ZNF705G: variants seen among roughly 807,000 people sequenced by gnomAD.
ZNF705G encodes the protein zinc finger protein 705G.
In ZNF705G, 23 loss-of-function variants were observed where a neutral mutation model predicts 19.6. The observed-to-expected ratio is 1.17, with a 90% CI of 0.84 to 1.66. The LOEUF is 1.66. ZNF705G is among the 40% of genes most tolerant of loss of function. The pLI is 0.00. For missense variants in ZNF705G, 457 were observed against 354.4 expected (o/e 1.29, Z -2.32); for synonymous variants, 146 against 117.7 (o/e 1.24, Z -1.56).
At chr8:7,382,360 A>G (rs1807536650) in intron 1 of ZNF705G, among the ~76,000 whole-genome samples, 1 of 146,790 alleles carries the variant, frequency 6.8e-6, no homozygotes, top group African/African-American at 2.7e-5. Context: ...ATAATTTTGC[A>G]TTTTCTGGTG....
intron 2 of ZNF705G, among the ~76,000 whole-genome samples, chr8:7,370,256 C>A (rs1243858223): frequency 7.3e-6 from 1 of 136,632 alleles, no homozygotes; most frequent in African/African-American, 3.2e-5. Flanking sequence ...GTGTGACACA[C>A]CGAGACTCCA....
At chr8:7,364,531 A>C (rs1047453882) in intron 2 of ZNF705G, among the ~76,000 whole-genome samples, 12 of 149,592 alleles carry the variant, frequency 8.0e-5, no homozygotes, top group African/African-American at 2.8e-4. Flanking sequence ...AAATTAGAAA[A>C]TGACCCAGCA....
chr8:7,384,344 C>T lies in ZNF705G; in HGVS notation c.-222+1154G>A, dbSNP rs376214190. On this transcript the variant is annotated intron_variant, in intron 1 of 6. Coordinates refer to ENST00000400156, the MANE Select transcript of ZNF705G (RefSeq NM_001164457.3). ...TCAATTGCTACCCAATACCTATCCA[C>T]ACAGAGTTGTGTTTTAACTAGGATC... Among the ~76,000 whole-genome samples, 22 of 145,732 alleles carry T rather than the reference C, an allele frequency of 1.5e-4. No homozygotes were observed. The East Asian group carries it at 2.3e-3, about 15-fold the overall frequency.
Position 7,356,435 on chromosome 8 carries a change from C to T in ZNF705G, c.*1541G>A, listed in dbSNP as rs193100187. On this transcript the variant is annotated 3_prime_UTR_variant, in exon 7 of 7. Coordinates refer to ENST00000400156, the MANE Select transcript of ZNF705G (RefSeq NM_001164457.3). ...GATAGAAGAGAAGAGCTGCCTTATT[C>T]TCTGATCCCAGTTAACTGCCTAGAG... 1 of 149,864 alleles carries T rather than the reference C, an allele frequency of 6.7e-6. No homozygotes were observed. The highest frequency in any genetic ancestry group is 1.9e-4 in the East Asian group (1 of 5,182). The allele number at this position is 149,864 out of a possible 1,614,324, so 9.3% of individuals were successfully genotyped here. A position where few individuals can be genotyped will look rare whatever the true frequency, so the allele number is the denominator to read the frequency against.
chr8:7,369,693 T>C (rs923940765), intron 2 of ZNF705G, among the ~76,000 whole-genome samples: 1 of 149,736 alleles, frequency 6.7e-6, no homozygotes, highest in Non-Finnish European at 1.5e-5. Context: ...ACAGTATATG[T>C]ACACCATGGA....
At chr8:7,379,657 G>A (rs1279003875) in intron 2 of ZNF705G, among the ~76,000 whole-genome samples, 3 of 147,200 alleles carry the variant, frequency 2.0e-5, no homozygotes, top group Non-Finnish European at 4.4e-5. Context: ...TCTCCAGTGT[G>A]GTGAAAAGGT....
Position 7,368,573 on chromosome 8 carries a change from G to A in ZNF705G, c.-71-5556C>T, listed in dbSNP as rs566863295. On this transcript the variant is annotated intron_variant, in intron 2 of 6. Transcript: ENST00000400156. The stretch of plus-strand genomic sequence containing the variant: ...TCATGTAGTACTTGTAAGACCACTG[G>A]TATTGTCTGAAATTCAAGCAGGCTG... Among the ~76,000 whole-genome samples, 6 of 149,948 alleles carry A rather than the reference G, an allele frequency of 4.0e-5. 1 individual carries two copies. The highest frequency in any genetic ancestry group is 1.5e-4 in the African/African-American group (6 of 39,298).
intron 3 of ZNF705G, among the ~76,000 whole-genome samples, chr8:7,361,825 C>A (rs1265077856): frequency 6.7e-6 from 1 of 149,434 alleles, no homozygotes; most frequent in East Asian, 1.9e-4. Flanking sequence ...AAGTAATGAC[C>A]CAGACTCCAG....
At chr8:7,367,677 C>T (rs1387247139) in intron 2 of ZNF705G, among the ~76,000 whole-genome samples, 3 of 149,648 alleles carry the variant, frequency 2.0e-5, no homozygotes, top group Non-Finnish European at 4.4e-5. Context: ...CAGGCATCTG[C>T]TCGGGTCTCT....
intron 2 of ZNF705G, among the ~76,000 whole-genome samples, chr8:7,364,602 C>G (rs1015848446): frequency 6.7e-6 from 1 of 149,570 alleles, no homozygotes; most frequent in African/African-American, 2.6e-5. Context: ...AAATTACTCC[C>G]CTAACCAACG....
At position 7,359,166 on chromosome 8, in the gene ZNF705G, G is replaced by C. The variant is rs71511222; in HGVS notation, c.318+453C>G. Among the ~76,000 whole-genome samples, 756 of 149,318 alleles carry C rather than the reference G, an allele frequency of 5.1e-3. 84 individuals are homozygous for C. Among genetic ancestry groups the C allele is most frequent in the African/African-American group, 0.018 (710 of 38,824 alleles). On this transcript the variant is annotated intron_variant, in intron 6 of 6. Coordinates refer to ENST00000400156, the MANE Select transcript of ZNF705G (RefSeq NM_001164457.3). ...CCACCCTTTCCCCTTTAAATTTGGAGCCTTCAAAATCATCTTTGGAGAAAG... is the reference window on the plus strand; with the variant it reads ...CCACCCTTTCCCCTTTAAATTTGGACCCTTCAAAATCATCTTTGGAGAAAG...
At position 7,367,373 on chromosome 8, in the gene ZNF705G, C is replaced by A. The variant is rs183645690; in HGVS notation, c.-71-4356G>T. Among the ~76,000 whole-genome samples the A allele has an allele frequency of 7.6e-4, 114 of 149,376 alleles. 7 individuals carry two copies. Among genetic ancestry groups the A allele is most frequent in the African/African-American group, 2.6e-3 (99 of 38,822 alleles). On this transcript the variant is annotated intron_variant, in intron 2 of 6. Coordinates refer to ENST00000400156, the MANE Select transcript of ZNF705G (RefSeq NM_001164457.3). Reference sequence around the variant, plus strand: ...CCTGATGGTCTACACCTGTTAACATCAAAAATGTGAGTTAAATGCAGACCC... The same window carrying A: ...CCTGATGGTCTACACCTGTTAACATAAAAAATGTGAGTTAAATGCAGACCC...
intron 4 of ZNF705G, 56 bp from the exon 5 acceptor site, chr8:7,360,388 T>G: frequency 6.3e-7 from 1 of 1,581,698 alleles, no homozygotes; most frequent in South Asian, 1.1e-5. Flanking sequence ...ATGTGCATTA[T>G]CACCAAGTGT....
intron 4 of ZNF705G, among the ~76,000 whole-genome samples, 173 bp from the exon 5 acceptor site, chr8:7,360,505 A>G (rs1244290149): frequency 6.7e-6 from 1 of 149,360 alleles, no homozygotes; most frequent in East Asian, 1.9e-4. Context: ...ATGAGACTAC[A>G]AAATAAATCC....
rs1472382625 is a variant in ZNF705G, at chr8:7,356,453, G to C, written c.*1523C>G. 1 of 149,778 alleles carries C rather than the reference G, an allele frequency of 6.7e-6. No homozygotes were observed. Among genetic ancestry groups the C allele is most frequent in the Non-Finnish European group, 1.5e-5 (1 of 68,142 alleles). 9.3% of individuals were successfully genotyped at this position (149,778 alleles called of 1,614,324 possible). ...CCTTATTCTCTGATCCCAGTTAACT[G>C]CCTAGAGACAGAGGAAAGGGCTGCG... On this transcript the variant is annotated 3_prime_UTR_variant, in exon 7 of 7. Coordinates refer to ENST00000400156, the MANE Select transcript of ZNF705G (RefSeq NM_001164457.3).
intron 1 of ZNF705G, among the ~76,000 whole-genome samples, chr8:7,382,326 C>T (rs1467479800): frequency 4.1e-5 from 6 of 147,874 alleles, no homozygotes; most frequent in Non-Finnish European, 7.4e-5. Context: ...AAGTCTCCTC[C>T]TATTCAAATA....
At chr8:7,362,860 T>A in intron 3 of ZNF705G, 75 bp downstream of exon 3, 1 of 1,581,606 alleles carries the variant, frequency 6.3e-7, no homozygotes, top group South Asian at 1.1e-5. Flanking sequence ...GAAACACCCA[T>A]GCAAATTGGA....
chr8:7,369,419 G>T (rs1161860153), intron 2 of ZNF705G, among the ~76,000 whole-genome samples: 8 of 149,400 alleles, frequency 5.4e-5, no homozygotes, highest in Non-Finnish European at 1.0e-4. Context: ...CTGCCTAGTG[G>T]AGCTCTGAGA....
Position 7,361,102 on chromosome 8 carries a change from G to T in ZNF705G, c.139+8C>A. 6.3e-7 allele frequency: 1 copy of T among 1,592,476 alleles called. No homozygotes were observed. On this transcript the variant is annotated splice_region_variant and intron_variant, in intron 4 of 6. Transcript: ENST00000400156. The stretch of plus-strand genomic sequence containing the variant: ...TCTACATATGTACATGAATGTTCAG[G>T]GACTCACCGAGGGACACCAGGTGAC...
Sources: allele counts gnomAD v4.1 joint callset (sites outside exome capture counted in the v4.1 genomes callset), GRCh38; gene constraint gnomAD v4.1.1; transcripts MANE v1.5; gene names NCBI Gene and HGNC (gene_info 2026-07-23, HGNC 2026-07-21).